NAV1: variants seen among roughly 807,000 people sequenced by gnomAD.
The protein encoded by NAV1 is neuron navigator 1.
A neutral mutation model predicts 175.2 loss-of-function variants in NAV1; 18 were observed. The observed-to-expected ratio is 0.10, with a 90% CI of 0.07 to 0.15. The LOEUF (loss-of-function observed/expected upper bound fraction) is 0.15, where lower values mean the gene tolerates loss of function less well. Ranked by LOEUF, NAV1 falls within the 10% of genes least tolerant of loss-of-function variation. The pLI is 1.00. For missense variants in NAV1, 1,731 were observed against 2,436.6 expected (o/e 0.71, Z 6.10); for synonymous variants, 897 against 978.7 (o/e 0.92, Z 1.56).
intron 1 of NAV1, among the ~76,000 whole-genome samples, chr1:201,662,227 T>C (rs565583021): frequency 1.3e-5 from 2 of 152,372 alleles, no homozygotes; most frequent in South Asian, 4.1e-4. Context: ...TGACGTTTCC[T>C]ATAAGAGTTT....
At position 201,820,152 on chromosome 1, in the gene NAV1, C is replaced by G. The variant is rs1202036374; in HGVS notation, c.*220C>G. The G allele has an allele frequency of 4.1e-5, 21 of 516,576 alleles. No individual in the cohort carries two copies. The East Asian group carries it at 6.8e-4, about 17-fold the overall frequency. The allele number at this position is 516,576 out of a possible 1,614,324, so 32.0% of individuals were successfully genotyped here. ...GGTGGCGTTTGGGAACTTGTGCCCCCTAAACACATTTACTGGCCTCCTCTA... is the reference window on the plus strand; with the variant it reads ...GGTGGCGTTTGGGAACTTGTGCCCCGTAAACACATTTACTGGCCTCCTCTA... On this transcript the variant is annotated 3_prime_UTR_variant, in exon 30 of 30. Transcript: ENST00000367296.
At chr1:201,705,272 C>T (rs1671621107) in intron 1 of NAV1, among the ~76,000 whole-genome samples, 1 of 152,236 alleles carries the variant, frequency 6.6e-6, no homozygotes, top group Non-Finnish European at 1.5e-5. Flanking sequence ...AAGATACCTG[C>T]CTGGCAGTTC....
intron 1 of NAV1, among the ~76,000 whole-genome samples, chr1:201,567,297 TTC>T (rs1438070150): frequency 6.6e-6 from 1 of 152,218 alleles, no homozygotes; most frequent in African/African-American, 2.4e-5. Flanking sequence ...CTGTTGTTTT[TTC>T]TGATGGGGCT....
chr1:201,763,772 C>T (rs1036956209), intron 3 of NAV1, among the ~76,000 whole-genome samples: 5 of 152,174 alleles, frequency 3.3e-5, no homozygotes, highest in Admixed American at 2.6e-4. Context: ...TCCTCTACTA[C>T]CCTGCAATTA....
intron 3 of NAV1, among the ~76,000 whole-genome samples, chr1:201,751,994 A>C (rs1674139222): frequency 6.6e-6 from 1 of 152,196 alleles, no homozygotes; most frequent in Admixed American, 6.5e-5. Context: ...CTCACCCATA[A>C]AAACGAAGGT....
rs1553256953 is a variant in NAV1 at position 201,708,440 on chromosome 1, G to GCGCA, written c.758-4376_758-4375insGCAC. On this transcript the variant is annotated intron_variant, in intron 1 of 29. Coordinates refer to ENST00000367296, the Ensembl canonical transcript of NAV1. ...TTCCCCCCTCAAACCCTACTTGCGC[G>GCGCA]CACACACACACACACACACACACAT... Among the ~76,000 whole-genome samples the GCGCA allele has an allele frequency of 3.1e-3, 467 of 148,278 alleles. 4 individuals are homozygous for GCGCA. The highest frequency in any genetic ancestry group is 9.6e-3 in the African/African-American group (384 of 40,122).
chr1:201,723,946 A>G (rs1672497102), intron 3 of NAV1: 1 of 152,220 alleles, frequency 6.6e-6, no homozygotes, highest in South Asian at 2.1e-4. Flanking sequence ...TATTCTCTAG[A>G]CCAAAAAGAA....
At chr1:201,641,738 T>C (rs141702459) in intron 2 of NAV1, among the ~76,000 whole-genome samples, 2 of 152,300 alleles carry the variant, frequency 1.3e-5, no homozygotes, top group African/African-American at 4.8e-5. Flanking sequence ...TGGGCTAGGC[T>C]TGAAGAGCCA....
At chr1:201,648,672 C>T in exon 1 of NAV1, 1 of 1,409,106 alleles carries the variant, frequency 7.1e-7, no homozygotes, top group South Asian at 1.6e-5. Context: ...GGGCAGAATG[C>T]TGGGCAGCAG....
chr1:201,789,903 C>T, intron 11 of NAV1, 111 bp downstream of exon 15: 1 of 1,016,858 alleles, frequency 9.8e-7, no homozygotes, highest in Non-Finnish European at 1.6e-6. Flanking sequence ...GCACTGCTGG[C>T]TCTTCACTGT....
At chr1:201,712,756 C>A in intron 1 of NAV1, 61 bp from the exon 6 acceptor site, 3 of 1,185,632 alleles carry the variant, frequency 2.5e-6, no homozygotes, top group Non-Finnish European at 3.8e-6. Context: ...ACTTCCTGAC[C>A]CCCAGGATCC....
At chr1:201,716,092 T>C (rs1241569928) in intron 2 of NAV1, among the ~76,000 whole-genome samples, 2 of 152,048 alleles carry the variant, frequency 1.3e-5, no homozygotes, top group African/African-American at 4.8e-5. Flanking sequence ...AGGCCAGGAA[T>C]AGAATTGAGG....
chr1:201,818,652 C>T (rs1418685832), intron 29 of NAV1, among the ~76,000 whole-genome samples: 1 of 152,070 alleles, frequency 6.6e-6, no homozygotes, highest in Non-Finnish European at 1.5e-5. Flanking sequence ...ACAAGAGATA[C>T]CACTTCACAT....
chr1:201,743,476 T>C (rs1378945890), intron 3 of NAV1, among the ~76,000 whole-genome samples: 1 of 152,188 alleles, frequency 6.6e-6, no homozygotes, highest in Non-Finnish European at 1.5e-5. Context: ...CTAGCCTCAG[T>C]TTTCCTCTCT....
intron 3 of NAV1, among the ~76,000 whole-genome samples, chr1:201,738,605 C>T (rs1035186516): frequency 1.3e-5 from 2 of 152,066 alleles, no homozygotes; most frequent in African/African-American, 4.8e-5. Context: ...ACCCAGACCT[C>T]TTTAAAGGCA....
chr1:201,784,154 T>C (rs1331610623), intron 7 of NAV1, among the ~76,000 whole-genome samples: 1 of 152,174 alleles, frequency 6.6e-6, no homozygotes, highest in East Asian at 1.9e-4. Context: ...TAGTCCAAAA[T>C]CATTTTGTTT....
At chr1:201,792,348 G>T (rs1677172676) in intron 13 of NAV1, 2 of 152,158 alleles carry the variant, frequency 1.3e-5, no homozygotes. Context: ...AGATGTAGGG[G>T]CCCAGACCAC....
intron 17 of NAV1, 112 bp downstream of exon 21, chr1:201,804,609 AC>A (rs1295568569): frequency 4.2e-6 from 4 of 963,354 alleles, no homozygotes; most frequent in Non-Finnish European, 6.1e-6. Flanking sequence ...AAAATGAATG[AC>A]CACTCATAAC....
At chr1:201,804,539 T>A (rs924868845) in intron 17 of NAV1, 42 bp downstream of exon 21, 17 of 1,476,070 alleles carry the variant, frequency 1.2e-5, no homozygotes, top group Non-Finnish European at 2.7e-6. Flanking sequence ...CTCTTTCCCT[T>A]TGCCATACCT....
Sources: allele counts gnomAD v4.1 joint callset (sites outside exome capture counted in the v4.1 genomes callset), GRCh38; gene constraint gnomAD v4.1.1; transcripts MANE v1.5; gene names NCBI Gene and HGNC (gene_info 2026-07-23, HGNC 2026-07-21).